Variants in L3MBTL4 observed in about 807,000 individuals in gnomAD.
L3MBTL4 encodes L3MBTL histone methyl-lysine binding protein 4.
L3MBTL4 carries 70 observed loss-of-function variants against 84.5 expected under a neutral mutation model. The observed-to-expected ratio is 0.83, with a 90% CI of 0.68 to 1.01. L3MBTL4 has a LOEUF of 1.01. L3MBTL4 is among the 50% of genes least tolerant of loss of function. L3MBTL4 has a pLI of 0.00. For synonymous variants in L3MBTL4, 274 were observed against 259.8 expected (o/e 1.05, Z -0.52); for missense variants, 715 against 754.8 (o/e 0.95, Z 0.62).
intron 1 of L3MBTL4, among the ~76,000 whole-genome samples, chr18:6,340,637 T>C (rs1192383039): frequency 6.6e-6 from 1 of 151,966 alleles, no homozygotes; most frequent in Non-Finnish European, 1.5e-5. Flanking sequence ...CCATGGATCC[T>C]GCTAATCAGC....
intron 5 of L3MBTL4, among the ~76,000 whole-genome samples, chr18:6,254,716 CA>C (rs1720579160): frequency 6.6e-6 from 1 of 152,126 alleles, no homozygotes. Context: ...TAAGTGAATG[CA>C]GTTCTTATTG....
intron 12 of L3MBTL4, among the ~76,000 whole-genome samples, chr18:6,204,658 T>G (rs1292487853): frequency 6.6e-6 from 1 of 152,370 alleles, no homozygotes; most frequent in Admixed American, 6.5e-5. Context: ...GCATGTTATA[T>G]ACTTTTTCTA....
At chr18:6,344,340 G>T (rs2052765747) in intron 1 of L3MBTL4, among the ~76,000 whole-genome samples, 1 of 152,090 alleles carries the variant, frequency 6.6e-6, no homozygotes, top group South Asian at 2.1e-4. Flanking sequence ...TACCCAAACT[G>T]AACATAAAGA....
chr18:6,138,146 G>T, intron 14 of L3MBTL4, 48 bp downstream of exon 14: 1 of 1,307,618 alleles, frequency 7.6e-7, no homozygotes, highest in Non-Finnish European at 1.1e-6. Context: ...CTAATCTGCA[G>T]AATGTTTCCA....
intron 14 of L3MBTL4, among the ~76,000 whole-genome samples, chr18:6,108,272 G>A (rs2059078991): frequency 6.6e-6 from 1 of 152,160 alleles, no homozygotes; most frequent in Non-Finnish European, 1.5e-5. Context: ...GAAGACTCCA[G>A]GAGGATGTGG....
chr18:5,976,906 G>A (rs1007041278), intron 16 of L3MBTL4, among the ~76,000 whole-genome samples: 1 of 152,122 alleles, frequency 6.6e-6, no homozygotes, highest in African/African-American at 2.4e-5. Flanking sequence ...GGAGTGTGCG[G>A]CAACCCAGCT....
chr18:6,079,252 G>C (rs140205585), intron 16 of L3MBTL4, among the ~76,000 whole-genome samples: 1 of 152,106 alleles, frequency 6.6e-6, no homozygotes, highest in Non-Finnish European at 1.5e-5. Flanking sequence ...AATTTTCATG[G>C]GATGGAATGA....
chr18:6,083,643 T>C (rs2058157850), intron 15 of L3MBTL4, among the ~76,000 whole-genome samples: 1 of 152,240 alleles, frequency 6.6e-6, no homozygotes, highest in Non-Finnish European at 1.5e-5. Flanking sequence ...GATGTACTAC[T>C]GTTGCACCAA....
At chr18:6,043,833 G>A (rs1274910070) in intron 16 of L3MBTL4, among the ~76,000 whole-genome samples, 2 of 152,182 alleles carry the variant, frequency 1.3e-5, no homozygotes, top group Non-Finnish European at 2.9e-5. Context: ...ACAGATCTAT[G>A]TTTTTGAGTT....
chr18:6,328,724 CTT>C (rs2051856312), intron 1 of L3MBTL4, among the ~76,000 whole-genome samples: 1 of 152,108 alleles, frequency 6.6e-6, no homozygotes, highest in Non-Finnish European at 1.5e-5. Flanking sequence ...ACCACGGAAA[CTT>C]TTTCTAATCT....
At chr18:6,249,465 C>A (rs150714164) in intron 5 of L3MBTL4, among the ~76,000 whole-genome samples, 2 of 152,326 alleles carry the variant, frequency 1.3e-5, no homozygotes, top group Non-Finnish European at 2.9e-5. Flanking sequence ...TTACTCTTGT[C>A]AGCCTTTCAA....
intron 4 of L3MBTL4, among the ~76,000 whole-genome samples, chr18:6,268,330 C>T (rs1482727662): frequency 6.6e-6 from 1 of 152,098 alleles, no homozygotes; most frequent in African/African-American, 2.4e-5. Context: ...TTGCTTGAAC[C>T]CGGGAGGCAG....
chr18:6,105,524 C>T (rs527535553), intron 14 of L3MBTL4, among the ~76,000 whole-genome samples: 9 of 151,656 alleles, frequency 5.9e-5, no homozygotes, highest in South Asian at 2.1e-4. Context: ...CTAGGCAGGG[C>T]GCAGTGGCTC....
rs73941333 is a variant in L3MBTL4, at chr18:6,337,972, T to C, written c.-90-25916A>G. On this transcript the variant is annotated intron_variant, in intron 1 of 18. Transcript: ENST00000317931. ...TAGAGCTGACTTCTAACAGGAACAA[T>C]GAAAGCCATAAGACAATAGAATGGC... Among the ~76,000 whole-genome samples the C allele has an allele frequency of 6.4e-3, 972 of 152,008 alleles. 14 individuals carry two copies. The highest frequency in any genetic ancestry group is 0.022 in the African/African-American group (934 of 41,518).
chr18:6,206,405 C>T (rs996467935), intron 12 of L3MBTL4, among the ~76,000 whole-genome samples: 1 of 152,156 alleles, frequency 6.6e-6, no homozygotes, highest in Admixed American at 6.6e-5. Flanking sequence ...TCTATTCTAT[C>T]TGGCTCATGA....
chr18:6,096,242 T>C (rs1004188570), intron 14 of L3MBTL4, among the ~76,000 whole-genome samples: 1 of 152,182 alleles, frequency 6.6e-6, no homozygotes, highest in Non-Finnish European at 1.5e-5. Flanking sequence ...CGAGAGATGT[T>C]CTGTTTCCCT....
intron 4 of L3MBTL4, among the ~76,000 whole-genome samples, chr18:6,294,928 G>T (rs544687872): frequency 1.1e-4 from 17 of 152,186 alleles, no homozygotes; most frequent in African/African-American, 3.9e-4. Context: ...TACGGTGTTT[G>T]CTTTCATATA....
chr18:6,293,852 T>A (rs886071244), intron 4 of L3MBTL4, among the ~76,000 whole-genome samples: 1 of 152,126 alleles, frequency 6.6e-6, no homozygotes, highest in Non-Finnish European at 1.5e-5. Context: ...TCTTCAAGAG[T>A]GTCCAGGTCA....
intron 16 of L3MBTL4, among the ~76,000 whole-genome samples, chr18:6,019,912 C>T (rs2055173979): frequency 6.6e-6 from 1 of 152,090 alleles, no homozygotes; most frequent in African/African-American, 2.4e-5. Context: ...AAGTTTGTGT[C>T]CTTGAAAACA....
Sources: gnomAD v4.1 joint callset for allele counts (sites outside exome capture counted in the v4.1 genomes callset) on GRCh38, gnomAD v4.1.1 for gene constraint, MANE v1.5 for transcripts, NCBI Gene and HGNC (gene_info 2026-07-23, HGNC 2026-07-21) for gene names.